The following TAF1D variants were observed in gnomAD, a reference collection of about 807,000 sequenced individuals.
TAF1D encodes TATA box-binding protein-associated factor RNA polymerase I subunit D.
Under a neutral mutation model 26.2 loss-of-function variants are expected in TAF1D, and 23 were observed. The ratio of observed to expected loss-of-function variants is 0.88; its 90% CI spans 0.63 to 1.25. The LOEUF is 1.25. Among genes scored for constraint, TAF1D ranks in the 50% most tolerant of loss-of-function variants. The pLI, the probability that TAF1D is intolerant of heterozygous loss-of-function variation, is 0.00. For synonymous variants in TAF1D, 100 were observed against 105.6 expected (o/e 0.95, Z 0.33); for missense variants, 299 against 322.0 (o/e 0.93, Z 0.55).
chr11:93,734,570 A>G (rs143733388), downstream of TAF1D: 220 of 483,730 alleles, frequency 4.5e-4, 1 homozygote, highest in African/African-American at 4.0e-3. Flanking sequence ...CTCTGACAAC[A>G]TACTGTTTCC....
At position 93,735,991 on chromosome 11, in the gene TAF1D, G is replaced by T; in HGVS notation, c.*170C>A. ...TTTTCTAATTATTACTACTTCACAA[G>T]TTTCTTTCACAAACTTCTTCACAGG... On this transcript the variant is annotated 3_prime_UTR_variant, in exon 6 of 6. Transcript: ENST00000448108. The T allele has an allele frequency of 7.2e-7, 1 of 1,380,068 alleles. No homozygotes were observed. The highest frequency in any genetic ancestry group is 1.5e-5 in the African/African-American group (1 of 66,288). 85.5% of individuals were successfully genotyped at this position (1,380,068 alleles called of 1,614,324 possible). A position where few individuals can be genotyped will look rare whatever the true frequency, so the allele number is the denominator to read the frequency against.
chr11:93,735,038 C>T, downstream of TAF1D: 1 of 1,269,908 alleles, frequency 7.9e-7, no homozygotes, highest in South Asian at 1.4e-5. Flanking sequence ...GCAGGCTTGA[C>T]CCATTGCACC....
In TAF1D at chr11:93,739,305, C is replaced by T; in HGVS notation, c.-1G>A. The T allele has an allele frequency of 6.2e-7, 1 of 1,604,648 alleles. No homozygotes were observed. The highest frequency in any genetic ancestry group is 1.1e-5 in the South Asian group (1 of 88,354). ...GAGAATCTATTCCTGATTTATCCAT[C>T]AATTGCTCTTTGTTTTAAACAGTTT... On this transcript the variant is annotated 5_prime_UTR_variant, in exon 2 of 6. Coordinates refer to ENST00000448108, the MANE Select transcript of TAF1D (RefSeq NM_024116.4).
chr11:93,734,588 A>C (rs1204983636), downstream of TAF1D: 2 of 534,618 alleles, frequency 3.7e-6, no homozygotes, highest in South Asian at 1.5e-5. Flanking sequence ...TCCTACACAT[A>C]AACAAATATG....
chr11:93,734,321 C>T (rs1940186630), downstream of TAF1D: 1 of 225,062 alleles, frequency 4.4e-6, no homozygotes, highest in African/African-American at 2.3e-5. Context: ...ACCATAAAAT[C>T]CTCTGCCTCA....
downstream of TAF1D, chr11:93,733,058 G>A (rs1939640762): frequency 5.9e-6 from 2 of 337,634 alleles, no homozygotes; most frequent in South Asian, 4.6e-5. Context: ...TTGAGTCCTT[G>A]ATTATTATAA....
downstream of TAF1D, chr11:93,733,307 C>G (rs1939712606): frequency 1.9e-6 from 1 of 518,986 alleles, no homozygotes; most frequent in African/African-American, 1.9e-5. Context: ...GAACTGTAAT[C>G]ATTATTTCCC....
At position 93,735,613 on chromosome 11, in the gene TAF1D, A is replaced by G; in HGVS notation, c.*548T>C. The G allele has an allele frequency of 1.1e-6, 1 of 870,926 alleles. No homozygotes were observed. Among genetic ancestry groups the G allele is most frequent in the South Asian group, 4.8e-5 (1 of 20,862 alleles). The allele number at this position is 870,926 out of a possible 1,614,324, so 53.9% of individuals were successfully genotyped here. On this transcript the variant is annotated 3_prime_UTR_variant, in exon 6 of 6. Coordinates refer to ENST00000448108, the MANE Select transcript of TAF1D (RefSeq NM_024116.4). ...AACCCGGGAGATGGAGGTTGCAGTAAGCCAAGACTGCGGCCATTGCACTAC... is the reference window on the plus strand; with the variant it reads ...AACCCGGGAGATGGAGGTTGCAGTAGGCCAAGACTGCGGCCATTGCACTAC...
downstream of TAF1D, chr11:93,732,523 G>A (rs377727771): frequency 3.2e-5 from 15 of 465,470 alleles, no homozygotes; most frequent in African/African-American, 1.6e-4. Flanking sequence ...TGTACAACTC[G>A]TATTCCCAAA....
At chr11:93,731,289 G>T (rs539392235), downstream of TAF1D, 3 of 342,800 alleles carry the variant, frequency 8.8e-6, no homozygotes, top group Non-Finnish European at 1.7e-5. Flanking sequence ...GAATGAGGTT[G>T]CTTAGGTTCC....
rs565782156 is a variant in TAF1D at position 93,738,060 on chromosome 11, T to A, written c.459+49A>T. The A allele has an allele frequency of 3.2e-5, 48 of 1,507,098 alleles. No individual in the cohort carries two copies. The East Asian group carries it at 9.3e-4, about 29-fold the overall frequency. 93.4% of individuals were successfully genotyped at this position (1,507,098 alleles called of 1,614,324 possible). On this transcript the variant is annotated intron_variant, in intron 3 of 5. Coordinates refer to ENST00000448108, the MANE Select transcript of TAF1D (RefSeq NM_024116.4). ...ATTCTAAATTGGCCAACAAATCATT[T>A]TGGGCATCTTGAGTTATGTGTAGCC...
rs1940966800 is a variant in TAF1D, at chr11:93,737,166, T to A, written c.533A>T (p.Lys178Met). ...TAAATCTTCACCAACATTCATTTGC[T>A]TCAATGATTCTTTCAGGTGGTGTTC... Reference protein sequence around the residue: ...KYEHHLKESLKQMNVGEDLEN... With the variant: ...KYEHHLKESLMQMNVGEDLEN... The change falls in exon 4 of 6, where the codon AAG (lysine) becomes ATG (methionine). Residue 178 changes from lysine (K) to methionine (M), a missense_variant. Coordinates refer to ENST00000448108, the MANE Select transcript of TAF1D (RefSeq NM_024116.4). The A allele has an allele frequency of 1.9e-6, 3 of 1,612,512 alleles. No homozygotes were observed. The highest frequency in any genetic ancestry group is 2.5e-6 in the Non-Finnish European group (3 of 1,179,364).
At chr11:93,738,553 C>A in intron 2 of TAF1D, 54 bp from the exon 3 acceptor site, 2 of 1,468,378 alleles carry the variant, frequency 1.4e-6, no homozygotes, top group South Asian at 1.4e-5. Context: ...TGCTTATTAC[C>A]ATTAATACCC....
At chr11:93,735,422 C>T (rs1217506506), downstream of TAF1D, 1 of 751,310 alleles carries the variant, frequency 1.3e-6, no homozygotes, top group Non-Finnish European at 1.7e-6. Context: ...ATGGCTCACA[C>T]CTATAATCCC....
chr11:93,736,355 T>C (rs1305830149), intron 5 of TAF1D, 51 bp from the exon 6 acceptor site: 2 of 1,545,552 alleles, frequency 1.3e-6, no homozygotes, highest in Non-Finnish European at 1.7e-6. Context: ...TCAAATAGTT[T>C]AGTAATTACA....
At chr11:93,734,048 T>TA (rs1365503053), downstream of TAF1D, 2 of 152,360 alleles carry the variant, frequency 1.3e-5, no homozygotes, top group African/African-American at 4.8e-5. Flanking sequence ...GATTTAAACT[T>TA]AAGATTTAAG....
At position 93,737,234 on chromosome 11, in the gene TAF1D, A is replaced by G. The variant is rs945677012; in HGVS notation, c.465T>C (p.Ala155=). 4 of 1,599,998 alleles carry G rather than the reference A, an allele frequency of 2.5e-6. No homozygotes were observed. The highest frequency in any genetic ancestry group is 1.7e-5 in the Admixed American group (1 of 57,406). The part of the protein sequence containing the change: ...PWRKILTFEQ[A]VARGFFNYIE... The stretch of plus-strand genomic sequence containing the variant: ...TATAGTTAAAAAATCCTCTTGCAAC[A>G]GCTTGCTATATATTAAAAACACCAT... Residue 155 remains alanine, a synonymous_variant, in exon 4 of 6, where the codon GCT becomes GCC. Transcript: ENST00000448108.
At chr11:93,734,092 T>C (rs1056171941), downstream of TAF1D, 4 of 153,076 alleles carry the variant, frequency 2.6e-5, no homozygotes, top group Admixed American at 2.0e-4. Flanking sequence ...AACTTCAGTA[T>C]TGCAACAGAG....
Position 93,738,517 on chromosome 11 carries a change from A to C in TAF1D, c.69-18T>G. 6.5e-7 allele frequency: 1 copy of C among 1,541,342 alleles called. No homozygotes were observed. Among genetic ancestry groups the C allele is most frequent in the South Asian group, 1.3e-5 (1 of 78,852 alleles). ...AGTTATCACTAGAAAAATGGGAAAA[A>C]AATTAATTTCATCTTCTTTTCTTAC... On this transcript the variant is annotated intron_variant, in intron 2 of 5. Coordinates refer to ENST00000448108, the MANE Select transcript of TAF1D (RefSeq NM_024116.4).
Sources: gnomAD v4.1 joint callset for allele counts on GRCh38, gnomAD v4.1.1 for gene constraint, MANE v1.5 for transcripts, NCBI Gene and HGNC (gene_info 2026-07-23, HGNC 2026-07-21) for gene names.